Variants in PES1 observed in about 807,000 individuals in gnomAD.
The protein encoded by PES1 is pescadillo ribosomal biogenesis factor 1.
Under a neutral mutation model 77.1 loss-of-function variants are expected in PES1, and 31 were observed. The observed-to-expected ratio is 0.40, with a 90% CI of 0.30 to 0.54. The LOEUF (loss-of-function observed/expected upper bound fraction) is 0.54. Among genes scored for constraint, PES1 ranks in the 20% least tolerant of loss-of-function variants. The pLI is 0.45. For synonymous variants in PES1, 282 were observed against 303.0 expected, an observed-to-expected ratio of 0.93 and a Z score of 0.72; for missense variants, 658 against 771.7, an observed-to-expected ratio of 0.85 and a Z score of 1.75.
At position 30,588,149 on chromosome 22, in the gene PES1, A is replaced by G. The variant is rs1413843056; in HGVS notation, c.130T>C (p.Tyr44His). Reference protein sequence around the residue: ...FRRLCILKGIYPHEPKHKKKV... With the variant: ...FRRLCILKGIHPHEPKHKKKV... ...TTCTTGTGTTTGGGTTCATGGGGAT[A>G]AATGCCCTTCAGAATGCACAGCCGC... The change falls in exon 3 of 15, where the codon TAT (tyrosine) becomes CAT (histidine). Residue 44 changes from tyrosine to histidine, a missense_variant. Tyr to His is a moderately conservative substitution (Grantham distance 83). Transcript: ENST00000354694. The G allele has an allele frequency of 3.7e-6, 6 of 1,614,212 alleles. No homozygotes were observed. The highest frequency in any genetic ancestry group is 5.1e-6 in the Non-Finnish European group (6 of 1,180,044).
chr22:30,580,484 C>A, intron 10 of PES1, 87 bp downstream of exon 10: 1 of 1,523,110 alleles, frequency 6.6e-7, no homozygotes, highest in Admixed American at 1.8e-5. Context: ...CTGACACCAT[C>A]CCAATGTTAC....
At chr22:30,604,642 A>G (rs1344720987) in intron 2 of PES1, among the ~76,000 whole-genome samples, 1 of 151,794 alleles carries the variant, frequency 6.6e-6, no homozygotes, top group Non-Finnish European at 1.5e-5. Flanking sequence ...AAAAATAAAT[A>G]AATAAGAAAA....
intron 2 of PES1, chr22:30,603,704 A>G (rs903764842): frequency 6.6e-6 from 1 of 152,164 alleles, no homozygotes; most frequent in Non-Finnish European, 1.5e-5. Context: ...TTTAATATAT[A>G]TACACTTTTA....
Position 30,589,409 on chromosome 22 carries a change from G to A in PES1, c.25-139C>T, listed in dbSNP as rs1353254305. The A allele has an allele frequency of 5.7e-6, 4 of 700,084 alleles. No homozygotes were observed. In the Admixed American group the frequency reaches 9.6e-5, roughly 17 times the overall value. The allele number at this position is 700,084 out of a possible 1,614,324, so 43.4% of individuals were successfully genotyped here. ...AGTCTAGGAGAGGAAACACTGCAGGGAAGGAGCCGACCTGCCTGGATGAGC... is the reference window on the plus strand; with the variant it reads ...AGTCTAGGAGAGGAAACACTGCAGGAAAGGAGCCGACCTGCCTGGATGAGC... On this transcript the variant is annotated intron_variant, in intron 1 of 14. Transcript: ENST00000354694.
Position 30,581,521 on chromosome 22 carries a change from G to T in PES1, c.747+7C>A. 6.2e-7 allele frequency: 1 copy of T among 1,611,198 alleles called. No individual in the cohort carries two copies. Among genetic ancestry groups the T allele is most frequent in the Non-Finnish European group, 8.5e-7 (1 of 1,177,574 alleles). ...GGCGAGCAGAAGGCACTGGGCTGGGGTCCTACCTTCGGGGGATAGTGGAGG... is the reference window on the plus strand; with the variant it reads ...GGCGAGCAGAAGGCACTGGGCTGGGTTCCTACCTTCGGGGGATAGTGGAGG... On this transcript the variant is annotated splice_region_variant and intron_variant, in intron 7 of 14. Transcript: ENST00000354694.
intron 14 of PES1, among the ~76,000 whole-genome samples, chr22:30,577,365 G>A (rs1251599781): frequency 6.6e-6 from 1 of 152,198 alleles, no homozygotes; most frequent in Admixed American, 6.5e-5. Context: ...AACTCCCAGA[G>A]CTGGAAGGAG....
intron 2 of PES1, 126 bp from the exon 3 acceptor site, chr22:30,588,300 T>A: frequency 1.0e-6 from 1 of 996,910 alleles, no homozygotes; most frequent in South Asian, 1.5e-5. Context: ...AGACCTCACA[T>A]CCTAGTACAT....
chr22:30,600,732 C>T (rs532682131), intron 2 of PES1, among the ~76,000 whole-genome samples: 10 of 152,138 alleles, frequency 6.6e-5, no homozygotes, highest in Non-Finnish European at 1.2e-4. Flanking sequence ...AGGAGAATGG[C>T]GTGAACCCGG....
intron 2 of PES1, among the ~76,000 whole-genome samples, chr22:30,599,364 T>C (rs1461569115): frequency 2.6e-5 from 4 of 152,310 alleles, no homozygotes; most frequent in African/African-American, 4.8e-5. Context: ...GGCATAAAGA[T>C]TGTAAAACTA....
chr22:30,599,890 T>A (rs1180589608), intron 2 of PES1, among the ~76,000 whole-genome samples: 1 of 151,826 alleles, frequency 6.6e-6, no homozygotes, highest in Non-Finnish European at 1.5e-5. Flanking sequence ...ATAAGAGAAA[T>A]TCCATCTCAA....
At position 30,581,073 on chromosome 22, in the gene PES1, G is replaced by A. The variant is rs557841800; in HGVS notation, c.851C>T (p.Ala284Val). The change falls in exon 9 of 15, where the codon GCC becomes GTC. Residue 284 changes from alanine to valine, a missense_variant. Coordinates refer to ENST00000354694, the MANE Select transcript of PES1 (RefSeq NM_014303.4). ...EKLAALSASLARVVVPATEEE... is the reference protein window; with the variant it reads ...EKLAALSASLVRVVVPATEEE... ...CTCTGTGGCAGGCACCACCACGCGGGCCAGGCTGGCACTGAGGGCTGCCAG... is the reference window on the plus strand; with the variant it reads ...CTCTGTGGCAGGCACCACCACGCGGACCAGGCTGGCACTGAGGGCTGCCAG... The A allele has an allele frequency of 6.2e-7, 1 of 1,611,050 alleles. No individual in the cohort carries two copies. The highest frequency in any genetic ancestry group is 1.1e-5 in the South Asian group (1 of 90,736).
upstream of PES1, among the ~76,000 whole-genome samples, chr22:30,594,778 G>A (rs1425190300): frequency 6.6e-6 from 1 of 152,024 alleles, no homozygotes; most frequent in Non-Finnish European, 1.5e-5. Context: ...AAAGCAGCCT[G>A]GACAACATAG....
intron 1 of PES1, 71 bp downstream of exon 1, chr22:30,591,739 A>C: frequency 6.6e-7 from 1 of 1,508,438 alleles, no homozygotes; most frequent in South Asian, 1.2e-5. Flanking sequence ...AGCCCGGGAA[A>C]AGAGTCGACC....
chr22:30,598,314 C>T (rs767905494), intron 2 of PES1: 9 of 152,286 alleles, frequency 5.9e-5, no homozygotes, highest in Admixed American at 1.3e-4. Flanking sequence ...GACATGCCGT[C>T]TTTAAGAACT....
chr22:30,606,963 C>G, exon 1 of PES1: 3 of 872,972 alleles, frequency 3.4e-6, no homozygotes, highest in Non-Finnish European at 4.4e-6. Context: ...CACGGTCGGA[C>G]AGACTTGACA....
At chr22:30,587,424 G>T in intron 3 of PES1, 29 bp from the exon 4 acceptor site, 1 of 1,530,716 alleles carries the variant, frequency 6.5e-7, no homozygotes, top group Non-Finnish European at 9.0e-7. Context: ...ACACCTCAAT[G>T]CTGAGGCTCA....
chr22:30,602,915 G>A (rs1205936873), intron 2 of PES1, among the ~76,000 whole-genome samples: 1 of 151,586 alleles, frequency 6.6e-6, no homozygotes, highest in Non-Finnish European at 1.5e-5. Flanking sequence ...AGCAATTTGT[G>A]TGTGTGTGTG....
intron 6 of PES1, among the ~76,000 whole-genome samples, chr22:30,581,945 C>T (rs1236700412): frequency 6.6e-6 from 1 of 152,192 alleles, no homozygotes; most frequent in Non-Finnish European, 1.5e-5. Flanking sequence ...ACCCTGGTCC[C>T]TGCTGCTCCG....
chr22:30,582,328 C>T (rs895166865), intron 6 of PES1, among the ~76,000 whole-genome samples: 1 of 152,224 alleles, frequency 6.6e-6, no homozygotes, highest in East Asian at 1.9e-4. Context: ...AGAGGCATGA[C>T]CCGAGGGGCC....
Sources: gnomAD v4.1 joint callset for allele counts (sites outside exome capture counted in the v4.1 genomes callset) on GRCh38, gnomAD v4.1.1 for gene constraint, MANE v1.5 for transcripts, NCBI Gene and HGNC (gene_info 2026-07-23, HGNC 2026-07-21) for gene names.